Variants in CDH7 observed in about 807,000 individuals in gnomAD.
CDH7 encodes cadherin 7.
Under a neutral mutation model 71.8 loss-of-function variants are expected in CDH7, and 25 were observed. That is an observed-to-expected ratio of 0.35 (90% CI 0.25 to 0.49). The LOEUF (loss-of-function observed/expected upper bound fraction) is 0.49. Ranked by LOEUF, CDH7 falls within the 20% of genes least tolerant of loss-of-function variation. The probability of loss-of-function intolerance (pLI) is 0.99; values close to 1 mark genes in which losing one functional copy is unlikely to be tolerated. For missense variants in CDH7, 862 were observed against 974.6 expected (o/e 0.88, Z 1.54); for synonymous variants, 381 against 363.8 (o/e 1.05, Z -0.54).
At chr18:65,813,665 T>C in intron 3 of CDH7, among the ~76,000 whole-genome samples, 1 of 151,962 alleles carries the variant, frequency 6.6e-6, no homozygotes, top group East Asian at 1.9e-4. Flanking sequence ...TAATAGTATA[T>C]AACTAAATAT....
chr18:65,833,466 A>C (rs778821658), intron 6 of CDH7, among the ~76,000 whole-genome samples: 2 of 152,112 alleles, frequency 1.3e-5, no homozygotes, highest in Non-Finnish European at 2.9e-5. Flanking sequence ...CAGGATGCAT[A>C]TTTCTTAAAA....
At position 65,830,625 on chromosome 18, in the gene CDH7, GC is replaced by G. The variant is rs1397717990; in HGVS notation, c.981+5795del. 1.7e-4 allele frequency among the ~76,000 whole-genome samples: 3 copies of G among 17,186 alleles called. No homozygotes were observed. In the South Asian group the frequency reaches 0.088, roughly 505 times the overall value. 11.3% of individuals were successfully genotyped at this position (17,186 alleles called of 152,430 possible). A position where few individuals can be genotyped will look rare whatever the true frequency, so the allele number is the denominator to read the frequency against. ...CCTTCCCTTTCCTTCCCTTCCCTTC[GC>G]TTCCCCTTCCCTTCCTTCTTTCCTG... is the stretch of plus-strand genomic sequence containing the variant. On this transcript the variant is annotated intron_variant, in intron 6 of 11. Coordinates refer to ENST00000397968, the MANE Select transcript of CDH7 (RefSeq NM_004361.5).
chr18:65,816,154 G>T (rs139460701), intron 4 of CDH7, among the ~76,000 whole-genome samples: 37 of 152,094 alleles, frequency 2.4e-4, no homozygotes, highest in Admixed American at 1.2e-3. Context: ...AGAGTTGAAA[G>T]GATTGTGTGT....
chr18:65,769,791 A>G (rs1053268426), intron 2 of CDH7, among the ~76,000 whole-genome samples: 3 of 152,060 alleles, frequency 2.0e-5, no homozygotes, highest in Non-Finnish European at 4.4e-5. Flanking sequence ...CATATGTTTC[A>G]GGGAATGTAT....
chr18:65,831,925 T>C (rs2143961681), intron 6 of CDH7, among the ~76,000 whole-genome samples: 1 of 152,230 alleles, frequency 6.6e-6, no homozygotes, highest in African/African-American at 2.4e-5. Flanking sequence ...AGTTTTTTGG[T>C]TGGTCTCCCA....
At chr18:65,838,247 T>A (rs1337981026) in intron 6 of CDH7, among the ~76,000 whole-genome samples, 1 of 152,160 alleles carries the variant, frequency 6.6e-6, no homozygotes. Flanking sequence ...AAGGGAAAAG[T>A]TATAAATGAG....
chr18:65,824,850 A>C lies in CDH7; in HGVS notation c.981+19A>C. The C allele has an allele frequency of 1.3e-6, 2 of 1,529,224 alleles. No individual in the cohort carries two copies. Among genetic ancestry groups the C allele is most frequent in the Non-Finnish European group, 1.8e-6 (2 of 1,119,132 alleles). The allele number at this position is 1,529,224 out of a possible 1,614,324, so 94.7% of individuals were successfully genotyped here. A position where few individuals can be genotyped will look rare whatever the true frequency, so the allele number is the denominator to read the frequency against. ...ACAGAAGGTAATGTTTTCTTTATTT[A>C]TCTTTTATCACAGATTACTGAGAAG... is the stretch of plus-strand genomic sequence containing the variant. On this transcript the variant is annotated intron_variant, in intron 6 of 11. Coordinates refer to ENST00000397968, the MANE Select transcript of CDH7 (RefSeq NM_004361.5).
At chr18:65,843,053 T>A (rs1199968723) in intron 6 of CDH7, among the ~76,000 whole-genome samples, 1 of 152,190 alleles carries the variant, frequency 6.6e-6, no homozygotes, top group Non-Finnish European at 1.5e-5. Context: ...TTTTCAAAGA[T>A]GGTGCTCTGC....
rs554347065 is a variant in CDH7, at chr18:65,804,225, T to C, written c.211-5479T>C. On this transcript the variant is annotated intron_variant, in intron 2 of 11. Transcript: ENST00000397968. ...AAGTGCAACTCTAACATTATAACAA[T>C]TTACCTTTATGAATCCCATTCCACT... Among the ~76,000 whole-genome samples, 9 of 152,278 alleles carry C rather than the reference T, an allele frequency of 5.9e-5. No homozygotes were observed. In the East Asian group the frequency reaches 7.7e-4, roughly 13 times the overall value.
chr18:65,880,417 C>A lies in CDH7; in HGVS notation c.1881C>A (p.Ile627=). The A allele has an allele frequency of 6.5e-7, 1 of 1,544,656 alleles. No homozygotes were observed. Among genetic ancestry groups the A allele is most frequent in the Non-Finnish European group, 8.7e-7 (1 of 1,153,212 alleles). ...VLTLLVLILL[I]VTMRRRKKEP... is the part of the protein sequence containing the mutation. Reference sequence around the variant, plus strand: ...TTGTTTCAGTGTTGATCCTCCTTATCGTCACTATGAGAAGACGGAAAAAAG... The same window carrying A: ...TTGTTTCAGTGTTGATCCTCCTTATAGTCACTATGAGAAGACGGAAAAAAG... Residue 627 remains isoleucine (I), a synonymous_variant, in exon 12 of 12, where the codon ATC becomes ATA. Transcript: ENST00000397968.
chr18:65,859,885 T>A (rs1360400254), intron 10 of CDH7, 60 bp downstream of exon 10: 2 of 1,013,538 alleles, frequency 2.0e-6, no homozygotes, highest in Non-Finnish European at 3.1e-6. Context: ...AAGCAAGTAT[T>A]TTTCTCCCCA....
intron 1 of CDH7, among the ~76,000 whole-genome samples, chr18:65,762,293 GA>G (rs887833859): frequency 5.9e-5 from 9 of 151,560 alleles, no homozygotes; most frequent in East Asian, 3.9e-4. Flanking sequence ...TAATATAAAA[GA>G]AAAAAAATAA....
chr18:65,865,488 T>G (rs1038243582), intron 11 of CDH7: 3 of 152,112 alleles, frequency 2.0e-5, no homozygotes, highest in African/African-American at 7.2e-5. Flanking sequence ...TTTTTAAGAG[T>G]TACCGCAAGT....
chr18:65,868,760 C>A (rs1248987195), intron 11 of CDH7, among the ~76,000 whole-genome samples: 1 of 152,114 alleles, frequency 6.6e-6, no homozygotes, highest in Non-Finnish European at 1.5e-5. Flanking sequence ...ATAAACCATT[C>A]ATTGTACTTA....
At chr18:65,789,046 G>T (rs1025115448) in intron 2 of CDH7, among the ~76,000 whole-genome samples, 1 of 152,202 alleles carries the variant, frequency 6.6e-6, no homozygotes, top group Non-Finnish European at 1.5e-5. Context: ...GTACACCCAT[G>T]TGGCCATACT....
At chr18:65,833,645 A>G (rs77403554) in intron 6 of CDH7, among the ~76,000 whole-genome samples, 8,950 of 152,220 alleles carry the variant, frequency 0.059, 316 homozygotes, top group Non-Finnish European at 0.069. Context: ...TACTTTAATC[A>G]TTATGTGTAT....
intron 2 of CDH7, among the ~76,000 whole-genome samples, chr18:65,805,223 G>T (rs139530437): frequency 8.8e-4 from 134 of 152,270 alleles, no homozygotes; most frequent in Non-Finnish European, 1.5e-3. Flanking sequence ...ATTGAAACAA[G>T]AAACTACAGA....
chr18:65,790,717 A>C (rs1458237760), intron 2 of CDH7, among the ~76,000 whole-genome samples: 1 of 152,122 alleles, frequency 6.6e-6, no homozygotes, highest in African/African-American at 2.4e-5. Context: ...AAAAATACAA[A>C]AATTAGCCTG....
chr18:65,766,619 C>G (rs59953596), intron 2 of CDH7, among the ~76,000 whole-genome samples: 2 of 151,978 alleles, frequency 1.3e-5, no homozygotes, highest in East Asian at 3.9e-4. Flanking sequence ...ACTCTGAGTT[C>G]TGTTTTAAAA....
Sources: allele counts gnomAD v4.1 joint callset (sites outside exome capture counted in the v4.1 genomes callset), GRCh38; gene constraint gnomAD v4.1.1; transcripts MANE v1.5; gene names NCBI Gene and HGNC (gene_info 2026-07-23, HGNC 2026-07-21).